Variants in ANKRD60 observed in about 807,000 individuals in gnomAD.
ANKRD60 encodes ankyrin repeat domain-containing protein 60.
ANKRD60 carries 24 observed loss-of-function variants against 21.3 expected under a neutral mutation model. The ratio of observed to expected loss-of-function variants is 1.13; its 90% CI spans 0.82 to 1.59. The LOEUF is 1.59. Among genes scored for constraint, ANKRD60 ranks in the 40% most tolerant of loss-of-function variants. The probability of loss-of-function intolerance (pLI) is 0.00; values close to 1 mark genes in which losing one functional copy is unlikely to be tolerated. For synonymous variants in ANKRD60, 182 were observed against 199.4 expected, an observed-to-expected ratio of 0.91 and a Z score of 0.74; for missense variants, 490 against 466.7, an observed-to-expected ratio of 1.05 and a Z score of -0.46.
intron 2 of ANKRD60, among the ~76,000 whole-genome samples, chr20:58,222,709 C>T (rs975412058): frequency 2.1e-4 from 32 of 152,198 alleles, no homozygotes; most frequent in African/African-American, 7.2e-4. Context: ...CTGAGCTGTA[C>T]GCTTCTCAGT....
intron 3 of ANKRD60, 32 bp from the exon 4 acceptor site, chr20:58,218,837 A>C: frequency 6.7e-7 from 1 of 1,498,980 alleles, no homozygotes; most frequent in Non-Finnish European, 8.9e-7. Context: ...CAGAAGGAAG[A>C]CATGCGGAGG....
downstream of ANKRD60, among the ~76,000 whole-genome samples, chr20:58,217,681 A>G (rs913740659): frequency 6.6e-6 from 1 of 152,174 alleles, no homozygotes; most frequent in Non-Finnish European, 1.5e-5. Context: ...AAGGTTTTGC[A>G]ATGCAAAGAC....
chr20:58,222,187 C>T (rs1161483330), intron 2 of ANKRD60, among the ~76,000 whole-genome samples: 1 of 152,168 alleles, frequency 6.6e-6, no homozygotes, highest in Non-Finnish European at 1.5e-5. Flanking sequence ...GCATGGACCA[C>T]ACTGCTGGTG....
chr20:58,227,368 T>C (rs1298519594), intron 1 of ANKRD60, among the ~76,000 whole-genome samples: 1 of 151,854 alleles, frequency 6.6e-6, no homozygotes, highest in African/African-American at 2.4e-5. Context: ...GGGTTTGTTT[T>C]GATTTGGCAT....
chr20:58,228,252 G>A lies in ANKRD60; in HGVS notation c.402C>T (p.Asn134=), dbSNP rs1984405517. Residue 134 remains asparagine, a synonymous_variant, in exon 1 of 4, where the codon AAC becomes AAT. Transcript: ENST00000457363. The surrounding 1 kb of genome is among the most constrained non-coding windows in gnomAD (Gnocchi z 5.3). ...CGTCGAGGTACTGGAGCCGCTGGAG[G>A]TTGAAGGGGATGCCGACCATCAGGT... is the stretch of plus-strand genomic sequence containing the variant. 3.2e-6 allele frequency: 5 copies of A among 1,550,974 alleles called. No homozygotes were observed. The highest frequency in any genetic ancestry group is 3.3e-4 in the Middle Eastern group (2 of 5,982).
At chr20:58,220,531 A>T (rs1016835518) in intron 3 of ANKRD60, among the ~76,000 whole-genome samples, 7 of 133,180 alleles carry the variant, frequency 5.3e-5, no homozygotes, top group African/African-American at 1.6e-4. Context: ...GAGTGGAAGG[A>T]GGCCCTTAAG....
At position 58,228,282 on chromosome 20, in the gene ANKRD60, C is replaced by A. The variant is rs1321328768; in HGVS notation, c.372G>T (p.Glu124Asp). Residue 124 changes from glutamate to aspartate, a missense_variant, in exon 1 of 4, where the codon GAG (glutamate) becomes GAT (aspartate). Transcript: ENST00000457363. The surrounding 1 kb of genome is among the most constrained non-coding windows in gnomAD (Gnocchi z 5.3). The stretch of plus-strand genomic sequence containing the variant: ...AGGGGATGCCGACCATCAGGTCCAG[C>A]TCCTCTTTGAGCTCCCGCACGGTCA... 6.4e-7 allele frequency: 1 copy of A among 1,551,480 alleles called. No homozygotes were observed. The highest frequency in any genetic ancestry group is 1.4e-5 in the African/African-American group (1 of 73,172).
At position 58,219,529 on chromosome 20, in the gene ANKRD60, G is replaced by C. The variant is rs181222861; in HGVS notation, c.728-724C>G. Among the ~76,000 whole-genome samples the C allele has an allele frequency of 9.2e-4, 140 of 152,334 alleles. 1 individual carries two copies. The highest frequency in any genetic ancestry group is 6.8e-3 in the Middle Eastern group (2 of 294). Reference sequence around the variant, plus strand: ...CAATGGGCAGCCTGACTCATGGACAGATTTCACTTCGATTAAATTCCCCAC... The same window carrying C: ...CAATGGGCAGCCTGACTCATGGACACATTTCACTTCGATTAAATTCCCCAC... On this transcript the variant is annotated intron_variant, in intron 3 of 3. Transcript: ENST00000457363.
chr20:58,223,743 G>A (rs543329955), intron 1 of ANKRD60, among the ~76,000 whole-genome samples: 5 of 152,250 alleles, frequency 3.3e-5, no homozygotes, highest in Admixed American at 3.3e-4. Flanking sequence ...TCGTTGTCTG[G>A]TGTTCACAGC....
intron 3 of ANKRD60, among the ~76,000 whole-genome samples, chr20:58,220,336 T>C (rs777043835): frequency 6.6e-5 from 10 of 152,184 alleles, no homozygotes; most frequent in Admixed American, 2.6e-4. Flanking sequence ...CCACTCCGCA[T>C]TGAGTGGTCT....
In ANKRD60 at chr20:58,228,269, C is replaced by A; in HGVS notation, c.385G>T (p.Val129Phe). 2 of 1,551,256 alleles carry A rather than the reference C, an allele frequency of 1.3e-6. No homozygotes were observed. The highest frequency in any genetic ancestry group is 4.9e-5 in the East Asian group (2 of 40,914). Residue 129 changes from valine (V) to phenylalanine (F), a missense_variant, in exon 1 of 4, where the codon GTC (valine) becomes TTC (phenylalanine). By Grantham distance (50) the Val-to-Phe change is conservative. Coordinates refer to ENST00000457363, the Ensembl canonical transcript of ANKRD60. The surrounding 1 kb of genome is among the most constrained non-coding windows in gnomAD (Gnocchi z 5.3). ...CGCTGGAGGTTGAAGGGGATGCCGA[C>A]CATCAGGTCCAGCTCCTCTTTGAGC...
chr20:58,219,348 G>A (rs1279487877), intron 3 of ANKRD60, among the ~76,000 whole-genome samples: 1 of 152,134 alleles, frequency 6.6e-6, no homozygotes, highest in Non-Finnish European at 1.5e-5. Context: ...TCACAACACT[G>A]TGTACATCAT....
chr20:58,226,217 C>T (rs1168882427), intron 1 of ANKRD60, among the ~76,000 whole-genome samples: 1 of 152,154 alleles, frequency 6.6e-6, no homozygotes, highest in African/African-American at 2.4e-5. Flanking sequence ...GCAGTTTACT[C>T]TGGATTTGGG....
rs1382130158 is a variant in ANKRD60, at chr20:58,228,361, A to G, written c.293T>C (p.Val98Ala). ...CATCTCCCCCGTCTCCTCCAGCCGC[A>G]CCCGCAGGACGAAGACGTCAGGGGC... Residue 98 changes from valine (V) to alanine (A), a missense_variant, in exon 1 of 4, where the codon GTG (valine) becomes GCG (alanine). By Grantham distance (64) the Val-to-Ala change is moderately conservative (BLOSUM62 0). Coordinates refer to ENST00000457363, the Ensembl canonical transcript of ANKRD60. The surrounding 1 kb of genome is among the most constrained non-coding windows in gnomAD (Gnocchi z 5.3). 3 of 1,549,952 alleles carry G rather than the reference A, an allele frequency of 1.9e-6. No homozygotes were observed. The highest frequency in any genetic ancestry group is 2.6e-6 in the Non-Finnish European group (3 of 1,146,848).
In ANKRD60 at chr20:58,228,289, T is replaced by C. The variant is rs1255097608; in HGVS notation, c.365A>G (p.Lys122Arg). 7 of 1,551,318 alleles carry C rather than the reference T, an allele frequency of 4.5e-6. No homozygotes were observed. The highest frequency in any genetic ancestry group is 2.0e-5 in the Admixed American group (1 of 50,968). Residue 122 changes from lysine to arginine, a missense_variant, in exon 1 of 4, where the codon AAA (lysine) becomes AGA (arginine). Lys to Arg is a conservative substitution (Grantham distance 26). Transcript: ENST00000457363. The surrounding 1 kb of genome is among the most constrained non-coding windows in gnomAD (Gnocchi z 5.3). The stretch of plus-strand genomic sequence containing the variant: ...GCCGACCATCAGGTCCAGCTCCTCT[T>C]TGAGCTCCCGCACGGTCATGTCGCC...
chr20:58,228,108 G>T lies in ANKRD60; in HGVS notation c.430+116C>A, dbSNP rs79767761. On this transcript the variant is annotated intron_variant, in intron 1 of 3. Transcript: ENST00000457363. The surrounding 1 kb of genome is among the most constrained non-coding windows in gnomAD (Gnocchi z 5.3). ...GTTTCAGGGTGGTTGGGTTTCAGGG[G>T]TTTGCTTTGACATCTGGGGTTTCTC... The T allele has an allele frequency of 1.3e-3, 1,406 of 1,106,902 alleles. 15 individuals are homozygous for T. The African/African-American group carries it at 0.021, about 16-fold the overall frequency. 68.6% of individuals were successfully genotyped at this position (1,106,902 alleles called of 1,614,324 possible).
At chr20:58,224,117 C>A (rs569539036) in intron 1 of ANKRD60, among the ~76,000 whole-genome samples, 1 of 150,914 alleles carries the variant, frequency 6.6e-6, no homozygotes, top group Admixed American at 6.6e-5. Context: ...AAAAAAAAGG[C>A]TCCAGACATT....
exon 3 of ANKRD60, chr20:58,221,346 A>G (rs373970923): frequency 1.3e-6 from 2 of 1,551,264 alleles, no homozygotes; most frequent in Non-Finnish European, 1.7e-6. Flanking sequence ...ACCGTGTTCT[A>G]GAAGGTACTG....
exon 3 of ANKRD60, chr20:58,221,458 T>C: frequency 1.3e-6 from 2 of 1,551,962 alleles, no homozygotes; most frequent in Non-Finnish European, 1.7e-6. Flanking sequence ...TGTTCTGAAT[T>C]TGCGGTTCGG....
Sources: gnomAD v4.1 joint callset for allele counts (sites outside exome capture counted in the v4.1 genomes callset) on GRCh38, gnomAD v4.1.1 for gene constraint, Gnocchi (gnomAD v3.1) non-coding constraint, MANE v1.5 for transcripts, NCBI Gene and HGNC (gene_info 2026-07-23, HGNC 2026-07-21) for gene names.